Variants in MCC observed in about 807,000 individuals in gnomAD.
The protein encoded by MCC is MCC regulator of Wnt signaling pathway, also known as colorectal mutant cancer protein.
Under a neutral mutation model 116.2 loss-of-function variants are expected in MCC, and 90 were observed. The observed-to-expected ratio is 0.77, with a 90% CI of 0.65 to 0.92. MCC has a LOEUF of 0.92. Among genes scored for constraint, MCC ranks in the 40% least tolerant of loss-of-function variants. The probability of loss-of-function intolerance (pLI) is 0.00; values close to 1 mark genes in which losing one functional copy is unlikely to be tolerated. For synonymous variants in MCC, 578 were observed against 510.5 expected, an observed-to-expected ratio of 1.13 and a Z score of -1.78; for missense variants, 1,516 against 1,312.2, an observed-to-expected ratio of 1.16 and a Z score of -2.40.
intron 3 of MCC, among the ~76,000 whole-genome samples, chr5:113,207,339 T>C (rs903044116): frequency 4.6e-5 from 7 of 152,024 alleles, no homozygotes; most frequent in Non-Finnish European, 1.0e-4. Context: ...GTCTGGTTCA[T>C]GGTAAGCATC....
chr5:113,325,115 C>T (rs1419922350), intron 3 of MCC, among the ~76,000 whole-genome samples: 2 of 152,128 alleles, frequency 1.3e-5, no homozygotes, highest in East Asian at 3.9e-4. Context: ...GTCTATATTA[C>T]AGGCATGAGC....
intron 3 of MCC, among the ~76,000 whole-genome samples, chr5:113,276,930 C>G (rs1163715048): frequency 6.6e-6 from 1 of 151,430 alleles, no homozygotes; most frequent in Non-Finnish European, 1.5e-5. Context: ...TGAGCCATTG[C>G]ACCTGGCCAA....
chr5:113,269,148 G>A (rs1765520490), intron 3 of MCC: 1 of 984,912 alleles, frequency 1.0e-6, no homozygotes, highest in East Asian at 1.1e-4. Context: ...AGGGAGACAA[G>A]GCAGAATAAT....
intron 1 of MCC, among the ~76,000 whole-genome samples, chr5:113,461,744 TAAAAAAA>T (rs56312844): frequency 1.7e-5 from 2 of 118,852 alleles, no homozygotes; most frequent in Non-Finnish European, 1.7e-5. Flanking sequence ...CTTGCACCAG[TAAAAAAA>T]AAAAAAAAAA....
In MCC at chr5:113,214,402, T is replaced by C. The variant is rs139818307; in HGVS notation, c.628-62980A>G. ...TGAACTGAGTTGCCTTGCGTGTTCA[T>C]TCGCTGCGCTCCTATACTGGGTGCC... On this transcript the variant is annotated intron_variant, in intron 3 of 18. Coordinates refer to ENST00000408903, the MANE Select transcript of MCC (RefSeq NM_001085377.2). 2.0e-4 allele frequency among the ~76,000 whole-genome samples: 30 copies of C among 152,354 alleles called. No homozygotes were observed. The East Asian group carries it at 5.8e-3, about 29-fold the overall frequency.
At chr5:113,169,070 A>G (rs1232172125) in intron 3 of MCC, among the ~76,000 whole-genome samples, 1 of 151,990 alleles carries the variant, frequency 6.6e-6, no homozygotes, top group African/African-American at 2.4e-5. Flanking sequence ...CCTCCCTTAA[A>G]GAAATCTTGA....
chr5:113,110,219 C>A (rs559764322), intron 6 of MCC, among the ~76,000 whole-genome samples: 10 of 152,250 alleles, frequency 6.6e-5, no homozygotes, highest in African/African-American at 2.4e-4. Flanking sequence ...GTGCCCCTTT[C>A]TAAAGAAGAA....
At position 113,078,184 on chromosome 5, in the gene MCC, G is replaced by C. The variant is rs6866924; in HGVS notation, c.1784+4676C>G. On this transcript the variant is annotated intron_variant, in intron 11 of 18. Transcript: ENST00000408903. ...ATTAATAGCCTATCAACCAAAAGAA[G>C]TCCAGGACCAGACAGATTCACAGCC... Among the ~76,000 whole-genome samples, 55 of 152,264 alleles carry C rather than the reference G, an allele frequency of 3.6e-4. 2 individuals are homozygous for C. Among genetic ancestry groups the C allele is most frequent in the African/African-American group, 1.3e-3 (52 of 41,538 alleles).
chr5:113,218,864 G>A lies in MCC; in HGVS notation c.628-67442C>T, dbSNP rs115936960. On this transcript the variant is annotated intron_variant, in intron 3 of 18. Transcript: ENST00000408903. ...GATGTAAATTAATAACTATTCTTCC[G>A]AATAGAAGGGGACGCATTATAAGAA... Among the ~76,000 whole-genome samples, 419 of 151,518 alleles carry A rather than the reference G, an allele frequency of 2.8e-3. 3 individuals are homozygous for A. The highest frequency in any genetic ancestry group is 9.7e-3 in the African/African-American group (403 of 41,454).
At position 113,208,006 on chromosome 5, in the gene MCC, C is replaced by G. The variant is rs574543307; in HGVS notation, c.628-56584G>C. 2.6e-5 allele frequency among the ~76,000 whole-genome samples: 4 copies of G among 152,150 alleles called. No homozygotes were observed. In the South Asian group the frequency reaches 6.2e-4, roughly 24 times the overall value. ...ATCCAGCTAAATGCTTACTCATATG[C>G]AATATCTGCTTGTCAAAGGTAGCAC... On this transcript the variant is annotated intron_variant, in intron 3 of 18. Coordinates refer to ENST00000408903, the MANE Select transcript of MCC (RefSeq NM_001085377.2).
chr5:113,134,665 C>T (rs111729065), intron 5 of MCC, among the ~76,000 whole-genome samples: 3,359 of 140,340 alleles, frequency 0.024, 127 homozygotes, highest in African/African-American at 0.083. Flanking sequence ...TACATTGACT[C>T]TATAGATCAC....
In MCC at chr5:113,232,479, C is replaced by T. The variant is rs533623303; in HGVS notation, c.628-81057G>A. The stretch of plus-strand genomic sequence containing the variant: ...AAGTCTATCAGCTTTCAGGCATCTC[C>T]AAACACTCCCTTTGCCTTCCTATTC... On this transcript the variant is annotated intron_variant, in intron 3 of 18. Coordinates refer to ENST00000408903, the MANE Select transcript of MCC (RefSeq NM_001085377.2). Among the ~76,000 whole-genome samples, 36 of 152,232 alleles carry T rather than the reference C, an allele frequency of 2.4e-4. 1 individual carries two copies. Among genetic ancestry groups the T allele is most frequent in the Admixed American group, 2.0e-3 (31 of 15,298 alleles).
At chr5:113,400,717 T>C (rs895612792) in intron 1 of MCC, among the ~76,000 whole-genome samples, 3 of 152,184 alleles carry the variant, frequency 2.0e-5, no homozygotes, top group Admixed American at 2.0e-4. Context: ...CAGTGCCTTG[T>C]AAAAGGAAAT....
Position 113,385,135 on chromosome 5 carries a change from T to G in MCC, c.248A>C (p.Asp83Ala), listed in dbSNP as rs753775371. 31 of 1,614,206 alleles carry G rather than the reference T, an allele frequency of 1.9e-5. 1 individual carries two copies. In the Middle Eastern group the frequency reaches 2.8e-3, roughly 146 times the overall value. Residue 83 changes from aspartate (D) to alanine (A), a missense_variant, in exon 2 of 19, where the codon GAT (aspartate) becomes GCT (alanine). Transcript: ENST00000408903. ...CTGAAAGGAAATCTTCCCATTTTCA[T>G]CTGCTCCCAACTGGTTCATGATCTC... ...VAEIMNQLGADENGKISFQDF... is the reference protein window; with the variant it reads ...VAEIMNQLGAAENGKISFQDF...
At chr5:113,418,208 C>T (rs1294669843) in intron 1 of MCC, among the ~76,000 whole-genome samples, 2 of 151,522 alleles carry the variant, frequency 1.3e-5, no homozygotes, top group Non-Finnish European at 2.9e-5. Flanking sequence ...ATCTAATGAA[C>T]CCCGTTTAAA....
At position 113,186,264 on chromosome 5, in the gene MCC, C is replaced by A. The variant is rs185419862; in HGVS notation, c.628-34842G>T. ...CAGAGCGTGGGTGGCAGGGGACGTG[C>A]CAGCAGGAACTTGAAAACACAGTAA... On this transcript the variant is annotated intron_variant, in intron 3 of 18. Coordinates refer to ENST00000408903, the MANE Select transcript of MCC (RefSeq NM_001085377.2). 2.0e-3 allele frequency among the ~76,000 whole-genome samples: 306 copies of A among 152,272 alleles called. 1 individual carries two copies. Among genetic ancestry groups the A allele is most frequent in the African/African-American group, 7.0e-3 (292 of 41,546 alleles).
chr5:113,235,855 G>A (rs1764108402), intron 3 of MCC, among the ~76,000 whole-genome samples: 2 of 152,192 alleles, frequency 1.3e-5, no homozygotes. Flanking sequence ...CAACTCTGCA[G>A]AACACAAAGA....
intron 14 of MCC, among the ~76,000 whole-genome samples, chr5:113,057,505 A>AAGG (rs5870527): frequency 0.98 from 148,911 of 152,270 alleles, 72,822 homozygotes; most frequent in East Asian, 1. Context: ...GTATTTTAAA[A>AAGG]ATGAGAGGGG....
intron 17 of MCC, among the ~76,000 whole-genome samples, chr5:113,029,762 G>T (rs570864716): frequency 6.6e-6 from 1 of 152,090 alleles, no homozygotes; most frequent in Non-Finnish European, 1.5e-5. Context: ...ACCCAGCAGG[G>T]AAACACTAAT....
Sources: gnomAD v4.1 joint callset for allele counts (sites outside exome capture counted in the v4.1 genomes callset) on GRCh38, gnomAD v4.1.1 for gene constraint, MANE v1.5 for transcripts, NCBI Gene and HGNC (gene_info 2026-07-23, HGNC 2026-07-21) for gene names.